ZCCHC7: variants seen among roughly 807,000 people sequenced by gnomAD.
ZCCHC7 encodes zinc finger CCHC domain-containing protein 7.
ZCCHC7 carries 35 observed loss-of-function variants against 52.0 expected under a neutral mutation model. The ratio of observed to expected loss-of-function variants is 0.67; its 90% CI spans 0.51 to 0.89. The LOEUF (loss-of-function observed/expected upper bound fraction) is 0.89. Ranked by LOEUF, ZCCHC7 falls within the 40% of genes least tolerant of loss-of-function variation. The pLI, the probability that ZCCHC7 is intolerant of heterozygous loss-of-function variation, is 0.00. For synonymous variants in ZCCHC7, 217 were observed against 221.5 expected (o/e 0.98, Z 0.18); for missense variants, 574 against 649.1 (o/e 0.88, Z 1.26).
intron 5 of ZCCHC7, among the ~76,000 whole-genome samples, chr9:37,315,528 G>A (rs966929996): frequency 6.6e-6 from 1 of 151,840 alleles, no homozygotes; most frequent in Admixed American, 6.6e-5. Flanking sequence ...CAGCCTTTTA[G>A]TTATAGAACA....
rs1237111345 is a variant in ZCCHC7 at position 37,126,399 on chromosome 9, A to G, written c.67A>G (p.Ser23Gly). Residue 23 changes from serine (S) to glycine (G), a missense_variant, in exon 2 of 9, where the codon AGT (serine) becomes GGT (glycine). Coordinates refer to ENST00000336755, the MANE Select transcript of ZCCHC7 (RefSeq NM_032226.3). ...TGATCTTTATCGAGATGAGTCATCTAGTGAACTGAGTGTTGATAGTGAGGT... is the reference window on the plus strand; with the variant it reads ...TGATCTTTATCGAGATGAGTCATCTGGTGAACTGAGTGTTGATAGTGAGGT... ...EDDLYRDESSSELSVDSEVEF... is the reference protein window; with the variant it reads ...EDDLYRDESSGELSVDSEVEF... 2 of 1,614,020 alleles carry G rather than the reference A, an allele frequency of 1.2e-6. No homozygotes were observed. The highest frequency in any genetic ancestry group is 1.7e-5 in the Admixed American group (1 of 60,010).
intron 2 of ZCCHC7, among the ~76,000 whole-genome samples, chr9:37,286,466 T>C (rs1264293144): frequency 6.6e-6 from 1 of 152,100 alleles, no homozygotes; most frequent in Non-Finnish European, 1.5e-5. Context: ...GAGACCAGCC[T>C]GGGCAACATG....
chr9:37,345,597 G>A (rs1009029641), intron 6 of ZCCHC7, among the ~76,000 whole-genome samples: 11 of 151,994 alleles, frequency 7.2e-5, no homozygotes, highest in African/African-American at 2.4e-4. Flanking sequence ...GCATGTGCCT[G>A]TAATCCCAGC....
At chr9:37,279,909 C>T (rs1827868429) in intron 2 of ZCCHC7, among the ~76,000 whole-genome samples, 1 of 152,042 alleles carries the variant, frequency 6.6e-6, no homozygotes, top group African/African-American at 2.4e-5. Context: ...AATCCCAGCA[C>T]TTTGGGAGGC....
rs1171002269 is a variant in ZCCHC7, at chr9:37,349,452, C to T, written c.1083C>T (p.His361=). 2.5e-6 allele frequency: 4 copies of T among 1,613,442 alleles called. No individual in the cohort carries two copies. Among genetic ancestry groups the T allele is most frequent in the South Asian group, 2.2e-5 (2 of 90,942 alleles). Residue 361 remains histidine (H), a splice_region_variant and synonymous_variant, in exon 7 of 9, where the codon CAC becomes CAT. Coordinates refer to ENST00000336755, the MANE Select transcript of ZCCHC7 (RefSeq NM_032226.3). ...YHCAQKGHYG[H]ECPEREVYDP... The stretch of plus-strand genomic sequence containing the variant: ...GCGCGCAAAAAGGCCATTATGGACA[C>T]GTAAGTTTGAGTGACATTTGGGCAT...
intron 2 of ZCCHC7, among the ~76,000 whole-genome samples, chr9:37,233,734 G>T (rs1453236579): frequency 6.6e-6 from 1 of 152,120 alleles, no homozygotes; most frequent in Admixed American, 6.5e-5. Context: ...ACTACATGAA[G>T]GAATGACAGG....
At chr9:37,210,553 C>T (rs926614262) in intron 2 of ZCCHC7, among the ~76,000 whole-genome samples, 1 of 152,078 alleles carries the variant, frequency 6.6e-6, no homozygotes, top group Non-Finnish European at 1.5e-5. Flanking sequence ...TTCTTGTGTG[C>T]ATTACATCAT....
At chr9:37,319,757 T>C (rs1457342851) in intron 5 of ZCCHC7, among the ~76,000 whole-genome samples, 2 of 152,160 alleles carry the variant, frequency 1.3e-5, no homozygotes, top group Admixed American at 6.5e-5. Flanking sequence ...TTCAGATGTT[T>C]CTACTTTTAT....
At chr9:37,123,190 GGTGTGTGT>G (rs58690804) in intron 1 of ZCCHC7, among the ~76,000 whole-genome samples, 8,428 of 148,742 alleles carry the variant, frequency 0.057, 334 homozygotes, top group African/African-American at 0.11. Context: ...CTGAGTCAAG[GGTGTGTGT>G]GTGTGTGTGT....
chr9:37,287,407 C>T (rs1045168946), intron 2 of ZCCHC7, among the ~76,000 whole-genome samples: 1 of 152,098 alleles, frequency 6.6e-6, no homozygotes, highest in African/African-American at 2.4e-5. Flanking sequence ...TCCAATCCCT[C>T]GTGCCTTCTT....
intron 5 of ZCCHC7, among the ~76,000 whole-genome samples, chr9:37,311,753 A>G (rs1423427796): frequency 6.6e-6 from 1 of 152,202 alleles, no homozygotes; most frequent in Non-Finnish European, 1.5e-5. Flanking sequence ...CATATCAGCC[A>G]TATACTACAA....
intron 2 of ZCCHC7, among the ~76,000 whole-genome samples, chr9:37,187,313 C>T (rs1048941448): frequency 6.6e-6 from 1 of 152,194 alleles, no homozygotes; most frequent in Non-Finnish European, 1.5e-5. Context: ...TGTTCCACCT[C>T]AGATCATCAG....
intron 2 of ZCCHC7, among the ~76,000 whole-genome samples, chr9:37,233,704 T>A (rs1825510483): frequency 6.6e-6 from 1 of 152,070 alleles, no homozygotes; most frequent in African/African-American, 2.4e-5. Flanking sequence ...ACAGAATTAC[T>A]AGGAATGGCA....
At chr9:37,163,716 G>T (rs75972370) in intron 2 of ZCCHC7, among the ~76,000 whole-genome samples, 7,717 of 152,214 alleles carry the variant, frequency 0.051, 640 homozygotes, top group African/African-American at 0.17. Flanking sequence ...TTCTTTAATG[G>T]ATCATGCTTT....
At chr9:37,163,668 C>G (rs560237802) in intron 2 of ZCCHC7, among the ~76,000 whole-genome samples, 1 of 152,208 alleles carries the variant, frequency 6.6e-6, no homozygotes, top group African/African-American at 2.4e-5. Flanking sequence ...TTTTGAAGAG[C>G]AAAAGTTATT....
At chr9:37,333,831 A>G (rs1830541071) in intron 6 of ZCCHC7, 1 of 151,908 alleles carries the variant, frequency 6.6e-6, no homozygotes, top group Admixed American at 6.6e-5. Context: ...TCTCAAAGAA[A>G]ACTACATTTC....
intron 7 of ZCCHC7, 22 bp downstream of exon 7, chr9:37,349,474 G>A (rs1345018111): frequency 6.2e-7 from 1 of 1,605,964 alleles, no homozygotes; most frequent in South Asian, 1.1e-5. Flanking sequence ...TGACATTTGG[G>A]CATGAAGCAT....
rs1261338597 is a variant in ZCCHC7, at chr9:37,357,122, C to T, written c.1486C>T (p.His496Tyr). The change falls in exon 9 of 9, where the codon CAC becomes TAC. Residue 496 changes from histidine to tyrosine, a missense_variant. His to Tyr is a moderately conservative substitution (Grantham distance 83). Coordinates refer to ENST00000336755, the MANE Select transcript of ZCCHC7 (RefSeq NM_032226.3). The part of the protein sequence containing the change: ...FKTQKPSKPF[H>Y]RSSHYHTSRE... ...AACCCAGAAGCCTTCTAAGCCCTTTCACCGTTCATCACATTACCACACGTC... is the reference window on the plus strand; with the variant it reads ...AACCCAGAAGCCTTCTAAGCCCTTTTACCGTTCATCACATTACCACACGTC... 6.2e-7 allele frequency: 1 copy of T among 1,613,712 alleles called. No homozygotes were observed. The highest frequency in any genetic ancestry group is 1.1e-5 in the South Asian group (1 of 91,068).
intron 2 of ZCCHC7, among the ~76,000 whole-genome samples, chr9:37,166,532 T>C (rs550400346): frequency 6.6e-6 from 1 of 152,276 alleles, no homozygotes; most frequent in South Asian, 2.1e-4. Context: ...CTGATTTTTC[T>C]CTATTTTTTT....
Sources: gnomAD v4.1 joint callset for allele counts (sites outside exome capture counted in the v4.1 genomes callset) on GRCh38, gnomAD v4.1.1 for gene constraint, MANE v1.5 for transcripts, NCBI Gene and HGNC (gene_info 2026-07-23, HGNC 2026-07-21) for gene names.